HEMK2: variants seen among roughly 807,000 people sequenced by gnomAD.
HEMK2 encodes the protein methyltransferase HEMK2.
At chr21:28,802,624 G>A in the HEMK2 span, among the ~76,000 whole-genome samples, 1,302 of 152,222 alleles carry the variant, frequency 8.6e-3, 13 homozygotes, top group African/African-American at 0.03. Context: ...CCAGCTACTC[G>A]GGAGGCAGAG....
At chr21:28,698,589 C>T in the HEMK2 span, among the ~76,000 whole-genome samples, 1 of 151,982 alleles carries the variant, frequency 6.6e-6, no homozygotes, top group African/African-American at 2.4e-5. Context: ...AAATGTGTAA[C>T]TAATACAGTA....
chr21:28,746,575 AC>A, the HEMK2 span, among the ~76,000 whole-genome samples: 1 of 152,154 alleles, frequency 6.6e-6, no homozygotes, highest in African/African-American at 2.4e-5. Flanking sequence ...GTATAACTAT[AC>A]TGGAAATCAA....
At chr21:28,823,913 T>A in the HEMK2 span, among the ~76,000 whole-genome samples, 1 of 152,246 alleles carries the variant, frequency 6.6e-6, no homozygotes, top group South Asian at 2.1e-4. Context: ...GATCTGCCAA[T>A]CATCTCCATC....
chr21:28,685,399 C>T, the HEMK2 span, among the ~76,000 whole-genome samples: 1 of 152,182 alleles, frequency 6.6e-6, no homozygotes, highest in Non-Finnish European at 1.5e-5. Context: ...AACAGCAAGA[C>T]TTTCATCAGA....
At chr21:28,716,822 C>T in the HEMK2 span, among the ~76,000 whole-genome samples, 1 of 152,078 alleles carries the variant, frequency 6.6e-6, no homozygotes, top group African/African-American at 2.4e-5. Context: ...TGAAGGGATG[C>T]TGGATTTTAT....
the HEMK2 span, among the ~76,000 whole-genome samples, chr21:28,654,753 A>C: frequency 5.0e-3 from 755 of 152,204 alleles, 6 homozygotes; most frequent in African/African-American, 0.017. Context: ...ATTTTAGAAA[A>C]GTGGTTCTGC....
chr21:28,704,319 A>C, the HEMK2 span, among the ~76,000 whole-genome samples: 7 of 152,136 alleles, frequency 4.6e-5, no homozygotes, highest in Non-Finnish European at 8.8e-5. Flanking sequence ...CTGCTCAAGC[A>C]ATTAAATCTC....
At chr21:28,651,518 G>A in the HEMK2 span, among the ~76,000 whole-genome samples, 2 of 152,132 alleles carry the variant, frequency 1.3e-5, no homozygotes, top group Non-Finnish European at 2.9e-5. Context: ...CACTTGAATA[G>A]ACCATTGTCT....
chr21:28,864,540 T>C, the HEMK2 span, among the ~76,000 whole-genome samples: 3 of 152,170 alleles, frequency 2.0e-5, no homozygotes, highest in African/African-American at 7.2e-5. Flanking sequence ...CATATGATAA[T>C]AGCTCCTATT....
the HEMK2 span, among the ~76,000 whole-genome samples, chr21:28,790,994 G>T: frequency 1.3e-5 from 2 of 151,942 alleles, no homozygotes; most frequent in South Asian, 2.1e-4. Context: ...ATAAAAAAAA[G>T]AATATTTTGC....
chr21:28,857,454 C>CT, the HEMK2 span, among the ~76,000 whole-genome samples: 15 of 151,762 alleles, frequency 9.9e-5, no homozygotes, highest in East Asian at 3.9e-4. Flanking sequence ...TTCTGTATAA[C>CT]TTTTTTTTGC....
chr21:28,728,035 A>G, the HEMK2 span, among the ~76,000 whole-genome samples: 1 of 152,264 alleles, frequency 6.6e-6, no homozygotes, highest in Non-Finnish European at 1.5e-5. Context: ...CAAGGAATGC[A>G]GGGTGCAATT....
chr21:28,665,571 A>G, the HEMK2 span, among the ~76,000 whole-genome samples: 1 of 151,730 alleles, frequency 6.6e-6, no homozygotes, highest in Non-Finnish European at 1.5e-5. Context: ...GCAATCATTA[A>G]AAAGTCAGGC....
chr21:28,850,023 G>A, the HEMK2 span, among the ~76,000 whole-genome samples: 3 of 152,104 alleles, frequency 2.0e-5, no homozygotes, highest in African/African-American at 7.2e-5. Flanking sequence ...ACCCCTGTGA[G>A]ATACTATGCA....
the HEMK2 span, among the ~76,000 whole-genome samples, chr21:28,853,270 G>GC: frequency 5.3e-5 from 8 of 152,210 alleles, 1 homozygote; most frequent in South Asian, 1.7e-3. Flanking sequence ...CTCACAGTGG[G>GC]CCATCTTTTA....
the HEMK2 span, among the ~76,000 whole-genome samples, chr21:28,691,166 C>CTCAT: frequency 1.3e-5 from 2 of 152,144 alleles, no homozygotes; most frequent in Non-Finnish European, 2.9e-5. Context: ...TCACTTCTTT[C>CTCAT]TCATTCATTC....
chr21:28,615,269 T>G, the HEMK2 span, among the ~76,000 whole-genome samples: 2 of 151,868 alleles, frequency 1.3e-5, no homozygotes, highest in African/African-American at 4.8e-5. Context: ...AAGAAATACA[T>G]TCTTCGGGGT....
the HEMK2 span, among the ~76,000 whole-genome samples, chr21:28,629,734 C>T: frequency 6.6e-6 from 1 of 152,176 alleles, no homozygotes; most frequent in Non-Finnish European, 1.5e-5. Flanking sequence ...TTTTCCAGCC[C>T]TCCTGTCATG....
the HEMK2 span, among the ~76,000 whole-genome samples, chr21:28,610,500 A>T: frequency 6.6e-6 from 1 of 152,176 alleles, no homozygotes; most frequent in Non-Finnish European, 1.5e-5. Context: ...ATGAAAAAAA[A>T]ATAAGATATT....
Sources: allele counts gnomAD v4.1 joint callset (sites outside exome capture counted in the v4.1 genomes callset), GRCh38; gene constraint gnomAD v4.1.1; transcripts MANE v1.5; gene names NCBI Gene and HGNC (gene_info 2026-07-23, HGNC 2026-07-21).